ASB7: variants seen among roughly 807,000 people sequenced by gnomAD.
The protein encoded by ASB7 is ankyrin repeat and SOCS box protein 7.
In ASB7, 4 loss-of-function variants were observed where a neutral mutation model predicts 32.5. That is an observed-to-expected ratio of 0.12 (90% CI 0.06 to 0.28). The LOEUF (loss-of-function observed/expected upper bound fraction) is 0.28. ASB7 is among the 10% of genes least tolerant of loss of function. The pLI is 1.00. For missense variants in ASB7, 181 were observed against 407.1 expected (o/e 0.44, Z 4.78); for synonymous variants, 172 against 155.6 (o/e 1.11, Z -0.78).
chr15:100,617,399 T>G (rs2039752941), intron 4 of ASB7, among the ~76,000 whole-genome samples: 1 of 152,234 alleles, frequency 6.6e-6, no homozygotes, highest in African/African-American at 2.4e-5. Context: ...ACAGCCCCTC[T>G]GCATTCTTTC....
chr15:100,648,516 T>C lies in ASB7; in HGVS notation c.*54T>C, dbSNP rs1421049034. The C allele has an allele frequency of 2.7e-6, 4 of 1,460,282 alleles. No homozygotes were observed. The highest frequency in any genetic ancestry group is 3.7e-6 in the Non-Finnish European group (4 of 1,069,618). The allele number at this position is 1,460,282 out of a possible 1,614,324, so 90.5% of individuals were successfully genotyped here. On this transcript the variant is annotated 3_prime_UTR_variant, in exon 6 of 6. Coordinates refer to ENST00000332783, the MANE Select transcript of ASB7 (RefSeq NM_198243.3). Reference sequence around the variant, plus strand: ...GTTCTATTCTAGATACTTAAAAGGCTTTTTGCCTTGCACAAAGTATATCCT... The same window carrying C: ...GTTCTATTCTAGATACTTAAAAGGCCTTTTGCCTTGCACAAAGTATATCCT...
intron 4 of ASB7, among the ~76,000 whole-genome samples, chr15:100,614,201 T>C (rs554653304): frequency 6.8e-6 from 1 of 147,398 alleles, no homozygotes; most frequent in East Asian, 2.0e-4. Flanking sequence ...TTGAACCCAG[T>C]GGGTGGAGGT....
chr15:100,630,102 T>G, intron 5 of ASB7, 60 bp downstream of exon 5: 1 of 1,449,576 alleles, frequency 6.9e-7, no homozygotes, highest in Non-Finnish European at 9.1e-7. Context: ...TCTGAGGAGC[T>G]TAATGTGTTT....
At chr15:100,618,270 C>A (rs1423507661) in intron 4 of ASB7, among the ~76,000 whole-genome samples, 1 of 151,964 alleles carries the variant, frequency 6.6e-6, no homozygotes, top group Non-Finnish European at 1.5e-5. Flanking sequence ...GTGTGTGCCA[C>A]CACACCCAGC....
rs1367068540 is a variant in ASB7, at chr15:100,650,290, A to G, written c.*1828A>G. 2 of 152,276 alleles carry G rather than the reference A, an allele frequency of 1.3e-5. No individual in the cohort carries two copies. Among genetic ancestry groups the G allele is most frequent in the African/African-American group, 4.8e-5 (2 of 41,456 alleles). The allele number at this position is 152,276 out of a possible 1,614,324, so 9.4% of individuals were successfully genotyped here. A position where few individuals can be genotyped will look rare whatever the true frequency, so the allele number is the denominator to read the frequency against. Reference sequence around the variant, plus strand: ...AAAAATGTTCCAAAAAGTTATCTCCAGAGAGAGTCCCTTATGAAGACAGTT... The same window carrying G: ...AAAAATGTTCCAAAAAGTTATCTCCGGAGAGAGTCCCTTATGAAGACAGTT... On this transcript the variant is annotated 3_prime_UTR_variant, in exon 6 of 6. Coordinates refer to ENST00000332783, the MANE Select transcript of ASB7 (RefSeq NM_198243.3).
At chr15:100,635,435 G>T (rs560837649) in intron 5 of ASB7, among the ~76,000 whole-genome samples, 15 of 152,246 alleles carry the variant, frequency 9.9e-5, no homozygotes, top group African/African-American at 3.4e-4. Context: ...GTGGGTAACA[G>T]AAACTGAGGT....
chr15:100,633,919 G>C (rs1236836985), intron 5 of ASB7, among the ~76,000 whole-genome samples: 1 of 152,214 alleles, frequency 6.6e-6, no homozygotes, highest in African/African-American at 2.4e-5. Flanking sequence ...GAGGATCCTG[G>C]AGGCTCTGGC....
At chr15:100,640,062 A>G (rs2039950120) in intron 5 of ASB7, among the ~76,000 whole-genome samples, 1 of 152,228 alleles carries the variant, frequency 6.6e-6, no homozygotes, top group Admixed American at 6.5e-5. Flanking sequence ...TTTGTTTAGC[A>G]CATTTTATAC....
At chr15:100,619,251 G>A (rs1395456001) in intron 4 of ASB7, among the ~76,000 whole-genome samples, 1 of 152,218 alleles carries the variant, frequency 6.6e-6, no homozygotes, top group Non-Finnish European at 1.5e-5. Flanking sequence ...ACGGGTTGAA[G>A]GAAAGAAGGA....
intron 4 of ASB7, among the ~76,000 whole-genome samples, chr15:100,613,850 C>G (rs139403051): frequency 6.6e-6 from 1 of 152,280 alleles, no homozygotes; most frequent in Non-Finnish European, 1.5e-5. Context: ...ACAAATAAAG[C>G]CAAAGTCCCC....
intron 4 of ASB7, among the ~76,000 whole-genome samples, chr15:100,615,693 A>G (rs1233827630): frequency 1.3e-5 from 2 of 152,222 alleles, no homozygotes; most frequent in Non-Finnish European, 2.9e-5. Flanking sequence ...TGTACCATCC[A>G]GAGATAGTCT....
At chr15:100,620,824 A>T (rs1423625048) in intron 4 of ASB7, among the ~76,000 whole-genome samples, 4 of 152,260 alleles carry the variant, frequency 2.6e-5, no homozygotes, top group Admixed American at 6.5e-5. Context: ...GTCTTAGTGC[A>T]TTTATTCATC....
At chr15:100,610,379 C>T (rs1489229979) in intron 3 of ASB7, among the ~76,000 whole-genome samples, 1 of 152,004 alleles carries the variant, frequency 6.6e-6, no homozygotes, top group Non-Finnish European at 1.5e-5. Flanking sequence ...CCTGTAGTCC[C>T]AGCTACTTGG....
At chr15:100,630,084 T>G (rs965013540) in intron 5 of ASB7, 42 bp downstream of exon 5, 1 of 1,489,974 alleles carries the variant, frequency 6.7e-7, no homozygotes, top group East Asian at 2.4e-5. Flanking sequence ...TTTTAAAAAT[T>G]TGCATCTTCT....
intron 4 of ASB7, among the ~76,000 whole-genome samples, chr15:100,620,550 G>C (rs553588694): frequency 1.2e-5 from 1 of 80,978 alleles, no homozygotes; most frequent in African/African-American, 3.1e-5. Context: ...ACAAACCCTG[G>C]TAGTCTTTAT....
chr15:100,638,984 CAG>C (rs2039943590), intron 5 of ASB7, among the ~76,000 whole-genome samples: 1 of 152,098 alleles, frequency 6.6e-6, no homozygotes. Context: ...ATTCTTAAGT[CAG>C]AGAATACGCT....
chr15:100,605,161 A>G (rs776833905), intron 2 of ASB7, among the ~76,000 whole-genome samples: 1 of 152,210 alleles, frequency 6.6e-6, no homozygotes, highest in Non-Finnish European at 1.5e-5. Flanking sequence ...AAGATTAGGG[A>G]ATATGTGTAA....
At chr15:100,628,214 A>G (rs2039856172) in intron 4 of ASB7, among the ~76,000 whole-genome samples, 1 of 152,232 alleles carries the variant, frequency 6.6e-6, no homozygotes. Flanking sequence ...CTTATTTTGT[A>G]TAGGTTTTGT....
At chr15:100,643,100 C>T (rs2039972433) in intron 5 of ASB7, among the ~76,000 whole-genome samples, 1 of 152,026 alleles carries the variant, frequency 6.6e-6, no homozygotes, top group Admixed American at 6.6e-5. Context: ...TTGGTGCTGG[C>T]AGTTGGCCGG....
Sources: gnomAD v4.1 joint callset for allele counts (sites outside exome capture counted in the v4.1 genomes callset) on GRCh38, gnomAD v4.1.1 for gene constraint, MANE v1.5 for transcripts, NCBI Gene and HGNC (gene_info 2026-07-23, HGNC 2026-07-21) for gene names.